The following ZC3H12B variants were observed in gnomAD, a reference collection of about 807,000 sequenced individuals.
The protein encoded by ZC3H12B is probable ribonuclease ZC3H12B.
A neutral mutation model predicts 43.9 loss-of-function variants in ZC3H12B; 7 were observed. That is an observed-to-expected ratio of 0.16 (90% CI 0.09 to 0.30). The LOEUF is 0.30. ZC3H12B is among the 10% of genes least tolerant of loss of function. The pLI, the probability that ZC3H12B is intolerant of heterozygous loss-of-function variation, is 1.00. For missense variants in ZC3H12B, 475 were observed against 670.2 expected (o/e 0.71, Z 3.22); for synonymous variants, 222 against 241.7 (o/e 0.92, Z 0.76).
intron 2 of ZC3H12B, among the ~76,000 whole-genome samples, chrX:65,381,871 C>G (rs1381825747): frequency 9.0e-6 from 1 of 111,576 alleles, no homozygotes; most frequent in Non-Finnish European, 1.9e-5. Flanking sequence ...GGATAAATTC[C>G]TCGACACATA....
intron 3 of ZC3H12B, among the ~76,000 whole-genome samples, chrX:65,441,330 CCATA>C (rs930170543): frequency 7.1e-5 from 8 of 112,205 alleles, no homozygotes; most frequent in African/African-American, 2.6e-4. Context: ...GATGAATTGG[CCATA>C]CAGACAGCCA....
At chrX:65,228,312 G>A in the ZC3H12B span, among the ~76,000 whole-genome samples, 4 of 111,615 alleles carry the variant, frequency 3.6e-5, no homozygotes, top group East Asian at 2.8e-4. Flanking sequence ...ATGCAGAAAA[G>A]GCCTTTGACA....
At chrX:65,289,254 C>A in the ZC3H12B span, among the ~76,000 whole-genome samples, 1 of 110,750 alleles carries the variant, frequency 9.0e-6, no homozygotes, top group East Asian at 2.8e-4. Context: ...TAAAAATTCA[C>A]ATGGAACACA....
the ZC3H12B span, among the ~76,000 whole-genome samples, chrX:65,112,023 C>T: frequency 1.8e-5 from 2 of 112,101 alleles, no homozygotes; most frequent in African/African-American, 6.5e-5. Context: ...GTTGCTTGCA[C>T]CAAACAGCCA....
intron 2 of ZC3H12B, among the ~76,000 whole-genome samples, chrX:65,370,322 C>G (rs1303758705): frequency 9.0e-6 from 1 of 110,985 alleles, no homozygotes; most frequent in Non-Finnish European, 1.9e-5. Context: ...AGGTTGAACT[C>G]TTAGTTCTCT....
chrX:65,146,665 G>A, the ZC3H12B span, among the ~76,000 whole-genome samples: 4 of 111,562 alleles, frequency 3.6e-5, no homozygotes, highest in African/African-American at 1.3e-4. Context: ...CTTTTATGAA[G>A]TACTCTCCCC....
the ZC3H12B span, among the ~76,000 whole-genome samples, chrX:65,205,678 G>A: frequency 3.4e-4 from 38 of 111,480 alleles, no homozygotes; most frequent in African/African-American, 1.1e-3. Context: ...TCTAGCCAGA[G>A]CAAGTGAAAG....
chrX:65,096,643 G>T, the ZC3H12B span, among the ~76,000 whole-genome samples: 2 of 111,448 alleles, frequency 1.8e-5, no homozygotes, highest in Non-Finnish European at 3.8e-5. Flanking sequence ...ATGGGGCAGA[G>T]AATCATTTTT....
the ZC3H12B span, among the ~76,000 whole-genome samples, chrX:65,179,966 A>G: frequency 8.9e-6 from 1 of 111,916 alleles, no homozygotes; most frequent in South Asian, 3.7e-4. Context: ...ACTATTTTAA[A>G]CAATAGAAAA....
At chrX:65,149,997 A>G in the ZC3H12B span, among the ~76,000 whole-genome samples, 2 of 109,682 alleles carry the variant, frequency 1.8e-5, no homozygotes, top group Admixed American at 2.0e-4. Context: ...ATTAAAAACT[A>G]TTACCATAAC....
At chrX:65,104,151 A>T in the ZC3H12B span, among the ~76,000 whole-genome samples, 13 of 111,829 alleles carry the variant, frequency 1.2e-4, no homozygotes, top group African/African-American at 4.2e-4. Context: ...CAAACCTCAC[A>T]AAAACAAGAA....
At chrX:65,493,298 G>A (rs754832843) in intron 1 of ZC3H12B, among the ~76,000 whole-genome samples, 2 of 109,194 alleles carry the variant, frequency 1.8e-5, no homozygotes, top group Admixed American at 9.8e-5. Flanking sequence ...CAGGAGAATC[G>A]CTTGAACCCA....
At chrX:65,339,755 T>C in the ZC3H12B span, among the ~76,000 whole-genome samples, 675 of 111,329 alleles carry the variant, frequency 6.1e-3, 6 homozygotes, top group African/African-American at 0.02. Flanking sequence ...GCTCTTGCAA[T>C]GATGAACCAT....
the ZC3H12B span, among the ~76,000 whole-genome samples, chrX:65,149,494 A>C: frequency 1.8e-5 from 2 of 111,214 alleles, no homozygotes; most frequent in Non-Finnish European, 3.8e-5. Context: ...TGCCGGGTGC[A>C]GTGGCTCATG....
the ZC3H12B span, among the ~76,000 whole-genome samples, chrX:65,059,197 C>T: frequency 9.8e-6 from 1 of 102,562 alleles, no homozygotes; most frequent in Non-Finnish European, 1.9e-5. Context: ...TGGAGCTGTT[C>T]CTATTTGGCC....
the ZC3H12B span, among the ~76,000 whole-genome samples, chrX:65,339,113 C>T: frequency 1.5e-3 from 167 of 111,699 alleles, no homozygotes; most frequent in Non-Finnish European, 2.2e-3. Flanking sequence ...CCCCTAAAGA[C>T]TACATTAAGA....
chrX:65,206,618 C>A, the ZC3H12B span, among the ~76,000 whole-genome samples: 2 of 105,699 alleles, frequency 1.9e-5, no homozygotes, highest in South Asian at 3.8e-4. Context: ...ACTTCATGAC[C>A]AAGAACCCAA....
At chrX:65,133,761 A>C in the ZC3H12B span, among the ~76,000 whole-genome samples, 1 of 110,198 alleles carries the variant, frequency 9.1e-6, no homozygotes, top group East Asian at 2.9e-4. Context: ...GGTCTGTAGA[A>C]AAGGAGGATT....
At chrX:65,230,713 T>C in the ZC3H12B span, among the ~76,000 whole-genome samples, 1 of 110,014 alleles carries the variant, frequency 9.1e-6, no homozygotes, top group Non-Finnish European at 1.9e-5. Flanking sequence ...AGAGAAGTAA[T>C]GATTTCCCCA....
Sources: allele counts gnomAD v4.1 joint callset (sites outside exome capture counted in the v4.1 genomes callset), GRCh38; gene constraint gnomAD v4.1.1; transcripts MANE v1.5; gene names NCBI Gene and HGNC (gene_info 2026-07-23, HGNC 2026-07-21).